Variants in DPP9 observed in about 807,000 individuals in gnomAD.
DPP9 encodes the protein dipeptidyl peptidase IV-related protein-2.
Under a neutral mutation model 110.7 loss-of-function variants are expected in DPP9, and 50 were observed. The observed-to-expected ratio is 0.45, with a 90% confidence interval of 0.36 to 0.57. The LOEUF (loss-of-function observed/expected upper bound fraction) is 0.57, where lower values mean the gene tolerates loss of function less well. DPP9 is among the 20% of genes least tolerant of loss of function. The pLI is 0.00. For synonymous variants in DPP9, 561 were observed against 514.4 expected (o/e 1.09, Z -1.23); for missense variants, 1,022 against 1,217.9 (o/e 0.84, Z 2.39).
At chr19:4,702,762 TA>T (rs2092343274) in intron 7 of DPP9, 46 bp from the exon 8 acceptor site, 1 of 1,270,426 alleles carries the variant, frequency 7.9e-7, no homozygotes, top group Non-Finnish European at 1.1e-6. Context: ...AGCAGCCTGC[TA>T]ACACTGGGGA....
rs758638353 is a variant in DPP9 at position 4,682,949 on chromosome 19, C to T, written c.2332-111G>A. ...GGGCCGCCCTGGAGCCCGTGAGGAGCGCTCATGCACATGGGGCCGGCAAGG... is the reference window on the plus strand; with the variant it reads ...GGGCCGCCCTGGAGCCCGTGAGGAGTGCTCATGCACATGGGGCCGGCAAGG... On this transcript the variant is annotated intron_variant, in intron 19 of 21. Transcript: ENST00000262960. This position sits in a 1 kb window ranked among gnomAD's most constrained non-coding sequence, Gnocchi z 7.1. 11 of 1,534,468 alleles carry T rather than the reference C, an allele frequency of 7.2e-6. No homozygotes were observed. The highest frequency in any genetic ancestry group is 2.4e-5 in the South Asian group (2 of 83,482).
At chr19:4,723,080 C>A (rs905274114) in intron 1 of DPP9, among the ~76,000 whole-genome samples, 1 of 151,710 alleles carries the variant, frequency 6.6e-6, no homozygotes, top group African/African-American at 2.4e-5. Context: ...CTAACCACTA[C>A]ACCACCAACG....
At chr19:4,708,761 G>A (rs1165186621) in intron 4 of DPP9, among the ~76,000 whole-genome samples, 1 of 152,180 alleles carries the variant, frequency 6.6e-6, no homozygotes, top group South Asian at 2.1e-4. Context: ...ACATAGAGCA[G>A]AACAGACACT....
chr19:4,705,814 C>A, intron 5 of DPP9, 44 bp downstream of exon 5: 2 of 1,598,226 alleles, frequency 1.3e-6, no homozygotes, highest in South Asian at 1.1e-5. Context: ...GCCTTTGCCA[C>A]CTCCTCGCCC....
chr19:4,713,636 G>A (rs1047729750), intron 4 of DPP9, among the ~76,000 whole-genome samples: 2 of 152,222 alleles, frequency 1.3e-5, no homozygotes, highest in African/African-American at 4.8e-5. Context: ...CACCTCCACG[G>A]CGAGCTCCTC....
chr19:4,699,158 C>CAAAAAAAA (rs144927941), intron 10 of DPP9, among the ~76,000 whole-genome samples: 2 of 50,904 alleles, frequency 3.9e-5, no homozygotes, highest in Non-Finnish European at 7.9e-5. Context: ...GACTCCACCT[C>CAAAAAAAA]AAAAAAAAAA....
At chr19:4,719,759 G>A in intron 3 of DPP9, 92 bp downstream of exon 3, 1 of 1,441,044 alleles carries the variant, frequency 6.9e-7, no homozygotes, top group Non-Finnish European at 9.5e-7. Flanking sequence ...AGGGGAGAGG[G>A]AAAGAAGGGG....
chr19:4,676,771 A>G lies in DPP9; in HGVS notation c.2587-115T>C, dbSNP rs763318448. The G allele has an allele frequency of 3.1e-4, 255 of 819,550 alleles. No individual in the cohort carries two copies. Among genetic ancestry groups the G allele is most frequent in the Non-Finnish European group, 4.5e-4 (226 of 497,570 alleles). The allele number at this position is 819,550 out of a possible 1,614,324, so 50.8% of individuals were successfully genotyped here. ...GGAAGGCGCAGGTGCTCTGAGGCCC[A>G]GTGATCTGGGTTTGAATCCCACCTC... is the stretch of plus-strand genomic sequence containing the variant. On this transcript the variant is annotated intron_variant, in intron 21 of 21. Transcript: ENST00000262960. The surrounding 1 kb of genome is among the most constrained non-coding windows in gnomAD (Gnocchi z 4.0).
chr19:4,694,534 C>T lies in DPP9; in HGVS notation c.1516+127G>A, dbSNP rs2091616791. 2 of 1,245,532 alleles carry T rather than the reference C, an allele frequency of 1.6e-6. No homozygotes were observed. The highest frequency in any genetic ancestry group is 4.6e-5 in the Admixed American group (2 of 43,842). The allele number at this position is 1,245,532 out of a possible 1,614,324, so 77.2% of individuals were successfully genotyped here. On this transcript the variant is annotated intron_variant, in intron 13 of 21. Transcript: ENST00000262960. This position sits in a 1 kb window ranked among gnomAD's most constrained non-coding sequence, Gnocchi z 4.0. The stretch of plus-strand genomic sequence containing the variant: ...GTCACTGGGGAAGGCTGGCTTCCTG[C>T]CGATCCCTGTTCCTTCTCCCGCAGG...
Position 4,700,997 on chromosome 19 carries a change from G to A in DPP9, c.1013-720C>T, listed in dbSNP as rs747423513. 2.6e-5 allele frequency among the ~76,000 whole-genome samples: 4 copies of A among 152,164 alleles called. No individual in the cohort carries two copies. Among genetic ancestry groups the A allele is most frequent in the Admixed American group, 6.5e-5 (1 of 15,278 alleles). On this transcript the variant is annotated intron_variant, in intron 9 of 21. Transcript: ENST00000262960. The surrounding 1 kb of genome is among the most constrained non-coding windows in gnomAD (Gnocchi z 4.3). ...ATTTGCAGTGGGAGTTGGAAAGACC[G>A]TACAGGAAGCTTCCATCTAGCACGG...
In DPP9 at chr19:4,683,956, G is replaced by A. The variant is rs191859818; in HGVS notation, c.2179-327C>T. On this transcript the variant is annotated intron_variant, in intron 18 of 21. Transcript: ENST00000262960. Reference sequence around the variant, plus strand: ...TAGAGGGCACAAGGAAGAAAAAGACGGGTGCCCAGGCATGTGCAAGGGCAC... The same window carrying A: ...TAGAGGGCACAAGGAAGAAAAAGACAGGTGCCCAGGCATGTGCAAGGGCAC... The A allele has an allele frequency of 5.0e-5, 35 of 700,018 alleles. No individual in the cohort carries two copies. In the Middle Eastern group the frequency reaches 1.5e-3, roughly 29 times the overall value. 43.4% of individuals were successfully genotyped at this position (700,018 alleles called of 1,614,324 possible).
In DPP9 at chr19:4,710,404, G is replaced by T. The variant is rs1019849783; in HGVS notation, c.313+3677C>A. ...TTGCAGTGGGGAGAGGCTGATCCGC[G>T]TGGGGCGGGAGCGGGGTCGGGAGCG... On this transcript the variant is annotated intron_variant, in intron 4 of 21. Transcript: ENST00000262960. The surrounding 1 kb of genome is among the most constrained non-coding windows in gnomAD (Gnocchi z 5.6). Among the ~76,000 whole-genome samples the T allele has an allele frequency of 6.6e-6, 1 of 152,236 alleles. No individual in the cohort carries two copies. Among genetic ancestry groups the T allele is most frequent in the Non-Finnish European group, 1.5e-5 (1 of 68,038 alleles).
chr19:4,683,569 A>G lies in DPP9; in HGVS notation c.2239T>C (p.Phe747Leu), dbSNP rs1461324206. The G allele has an allele frequency of 1.2e-6, 2 of 1,613,522 alleles. No individual in the cohort carries two copies. The highest frequency in any genetic ancestry group is 1.7e-6 in the Non-Finnish European group (2 of 1,179,852). ...GLQFVAEKYG[F>L]IDLSRVAIHG... ...ATGGCAACTCGGCTCAGGTCGATGA[A>G]GCCATACTTCTCGGCCACGAACTGC... The change falls in exon 19 of 22, where the codon TTC (phenylalanine) becomes CTC (leucine). Residue 747 changes from phenylalanine to leucine, a missense_variant. Around this residue, in one of 3 missense-constraint regions of DPP9, gnomAD observed 209 missense variants for 280.4 expected, o/e 0.75. Transcript: ENST00000262960.
chr19:4,710,980 G>A lies in DPP9; in HGVS notation c.313+3101C>T, dbSNP rs768184710. Among the ~76,000 whole-genome samples, 5 of 152,168 alleles carry A rather than the reference G, an allele frequency of 3.3e-5. No individual in the cohort carries two copies. Among genetic ancestry groups the A allele is most frequent in the African/African-American group, 1.2e-4 (5 of 41,428 alleles). ...ACACACGAGCCACAGGCGACCCGACGATCTCATCTATGCGGAGTCAATCTG... is the reference window on the plus strand; with the variant it reads ...ACACACGAGCCACAGGCGACCCGACAATCTCATCTATGCGGAGTCAATCTG... On this transcript the variant is annotated intron_variant, in intron 4 of 21. Coordinates refer to ENST00000262960, the MANE Select transcript of DPP9 (RefSeq NM_139159.5). This position sits in a 1 kb window ranked among gnomAD's most constrained non-coding sequence, Gnocchi z 5.6.
rs2088838294 is a variant in DPP9, at chr19:4,676,453, C to A, written c.*111G>T. The A allele has an allele frequency of 3.2e-6, 3 of 929,196 alleles. No individual in the cohort carries two copies. The highest frequency in any genetic ancestry group is 2.0e-5 in the Admixed American group (1 of 49,042). 57.6% of individuals were successfully genotyped at this position (929,196 alleles called of 1,614,324 possible). On this transcript the variant is annotated 3_prime_UTR_variant, in exon 22 of 22. Transcript: ENST00000262960. This position sits in a 1 kb window ranked among gnomAD's most constrained non-coding sequence, Gnocchi z 4.0. ...CTCCTCGGGGCTGGCCAGCGCTGGG[C>A]GGGACAAAGTGCCTCACTGGGGCCC...
Position 4,700,234 on chromosome 19 carries a change from C to T in DPP9, c.1056G>A (p.Gln352=). The T allele has an allele frequency of 6.3e-7, 1 of 1,598,540 alleles. No individual in the cohort carries two copies. Among genetic ancestry groups the T allele is most frequent in the Non-Finnish European group, 8.5e-7 (1 of 1,170,030 alleles). The change falls in exon 10 of 22, where the codon CAG becomes CAA. Residue 352 remains glutamine (Q), a synonymous_variant. Transcript: ENST00000262960. The surrounding 1 kb of genome is among the most constrained non-coding windows in gnomAD (Gnocchi z 4.3). ...PKIALKLAEF[Q]TDSQGKIVST... ...CCCTTACCTTGCCCTGGCTGTCAGT[C>T]TGGAACTCAGCCAGTTTCAAGGCAA...
chr19:4,698,871 AAAG>A lies in DPP9; in HGVS notation c.1075-1223_1075-1221del, dbSNP rs1313122451. ...CCAGAATGCTACTGTCAAGAATGCA[AAAG>A]AAGGCCGGGTGTGGTGGCTCACACC... On this transcript the variant is annotated intron_variant, in intron 10 of 21. Transcript: ENST00000262960. The surrounding 1 kb of genome is among the most constrained non-coding windows in gnomAD (Gnocchi z 4.2). Among the ~76,000 whole-genome samples, 14 of 151,916 alleles carry A rather than the reference AAAG, an allele frequency of 9.2e-5. No homozygotes were observed. The highest frequency in any genetic ancestry group is 3.1e-4 in the African/African-American group (13 of 41,332).
intron 14 of DPP9, among the ~76,000 whole-genome samples, chr19:4,690,325 C>A (rs1235562658): frequency 6.6e-6 from 1 of 152,196 alleles, no homozygotes; most frequent in Non-Finnish European, 1.5e-5. Flanking sequence ...GGAAAGGAGC[C>A]GGGAGGCCTC....
In DPP9 at chr19:4,704,205, C is replaced by A; in HGVS notation, c.526G>T (p.Glu176Ter). Residue 176 changes from glutamate to a stop codon, truncating the protein, a stop_gained, in exon 6 of 22, where the codon GAG (glutamate) becomes TAG (stop). Coordinates refer to ENST00000262960, the MANE Select transcript of DPP9 (RefSeq NM_139159.5). LOFTEE classifies it high-confidence loss of function. This position sits in a 1 kb window ranked among gnomAD's most constrained non-coding sequence, Gnocchi z 6.0. ...FGITSYDFHSESGLFLFQASN... is the reference protein window; with the variant it reads ...FGITSYDFHS ...GCCTGGAAGAGGAAGAGGCCACTCT[C>A]GCTGTGGAAGTCGTAGGAGGTGATG... 1.2e-6 allele frequency: 2 copies of A among 1,614,002 alleles called. No homozygotes were observed. Among genetic ancestry groups the A allele is most frequent in the Non-Finnish European group, 1.7e-6 (2 of 1,179,896 alleles).
Sources: allele counts gnomAD v4.1 joint callset (sites outside exome capture counted in the v4.1 genomes callset), GRCh38; gene constraint gnomAD v4.1.1; regional missense constraint gnomAD v4.1.1; non-coding constraint Gnocchi (gnomAD v3.1); transcripts MANE v1.5; gene names NCBI Gene and HGNC (gene_info 2026-07-23, HGNC 2026-07-21).